Variants in VWA8 observed in about 807,000 individuals in gnomAD.
VWA8 encodes von Willebrand factor A domain-containing protein 8.
Under a neutral mutation model 241.5 loss-of-function variants are expected in VWA8, and 221 were observed. The ratio of observed to expected loss-of-function variants is 0.91; its 90% confidence interval spans 0.82 to 1.02. The LOEUF (loss-of-function observed/expected upper bound fraction) is 1.02. VWA8 is among the 50% of genes least tolerant of loss of function. VWA8 has a pLI of 0.00. For missense variants in VWA8, 2,322 were observed against 2,328.7 expected, an observed-to-expected ratio of 1.00 and a Z score of 0.06; for synonymous variants, 852 against 827.1, an observed-to-expected ratio of 1.03 and a Z score of -0.52.
intron 20 of VWA8, among the ~76,000 whole-genome samples, chr13:41,769,642 T>A (rs1277252175): frequency 1.3e-5 from 2 of 152,202 alleles, no homozygotes; most frequent in Non-Finnish European, 2.9e-5. Flanking sequence ...GGAATTCGTG[T>A]GCTATGATGC....
At chr13:41,599,704 T>C (rs1265170656) in intron 40 of VWA8, among the ~76,000 whole-genome samples, 1 of 152,172 alleles carries the variant, frequency 6.6e-6, no homozygotes, top group Non-Finnish European at 1.5e-5. Flanking sequence ...GAATTGAAAC[T>C]GCGGACAGTC....
intron 14 of VWA8, among the ~76,000 whole-genome samples, chr13:41,826,502 T>C (rs1344040274): frequency 6.6e-6 from 1 of 152,146 alleles, no homozygotes; most frequent in Non-Finnish European, 1.5e-5. Context: ...TCTAAGATGA[T>C]GTAGGAGCTA....
chr13:41,682,744 T>G (rs7332302), intron 35 of VWA8, among the ~76,000 whole-genome samples: 5,099 of 151,980 alleles, frequency 0.034, 152 homozygotes, highest in East Asian at 0.098. Flanking sequence ...AGACCTTGTC[T>G]CAAAACAAAC....
chr13:41,782,220 C>A (rs7323193), intron 19 of VWA8, among the ~76,000 whole-genome samples: 35,282 of 152,142 alleles, frequency 0.23, 4,810 homozygotes, highest in Non-Finnish European at 0.3. Context: ...ATGTCACAAA[C>A]ACCATGGCAA....
At chr13:41,766,290 G>A (rs1364314147) in intron 20 of VWA8, among the ~76,000 whole-genome samples, 9 of 151,962 alleles carry the variant, frequency 5.9e-5, no homozygotes, top group Non-Finnish European at 1.2e-4. Context: ...AATACAGAAC[G>A]TACAAAACTC....
intron 39 of VWA8, among the ~76,000 whole-genome samples, chr13:41,607,982 C>A (rs1369919617): frequency 2.0e-5 from 3 of 152,056 alleles, no homozygotes; most frequent in Non-Finnish European, 4.4e-5. Flanking sequence ...CGCACACACA[C>A]ATGCAATGTT....
intron 41 of VWA8, among the ~76,000 whole-genome samples, chr13:41,588,697 G>C (rs951090712): frequency 1.3e-5 from 2 of 150,654 alleles, no homozygotes; most frequent in African/African-American, 4.9e-5. Context: ...CTAAAGCCTG[G>C]GCAACAAGCA....
At chr13:41,728,785 C>T (rs951106832) in intron 23 of VWA8, among the ~76,000 whole-genome samples, 1 of 151,972 alleles carries the variant, frequency 6.6e-6, no homozygotes, top group Non-Finnish European at 1.5e-5. Flanking sequence ...TGGTGATGCA[C>T]TTGTACCTTT....
intron 4 of VWA8, among the ~76,000 whole-genome samples, chr13:41,899,226 T>C (rs1216566923): frequency 6.6e-6 from 1 of 152,226 alleles, no homozygotes; most frequent in Non-Finnish European, 1.5e-5. Flanking sequence ...CCAACCTTTT[T>C]TCTGATTAAT....
intron 41 of VWA8, 26 bp from the exon 42 acceptor site, chr13:41,587,696 C>T (rs1474050372): frequency 3.1e-6 from 5 of 1,610,400 alleles, no homozygotes; most frequent in African/African-American, 1.3e-5. Flanking sequence ...ACAGAAAAGC[C>T]GTTTGTGAAC....
chr13:41,612,767 G>A (rs2044598128), intron 38 of VWA8, among the ~76,000 whole-genome samples: 1 of 152,122 alleles, frequency 6.6e-6, no homozygotes, highest in Non-Finnish European at 1.5e-5. Flanking sequence ...ATAATACACT[G>A]CTATTGTAGA....
chr13:41,912,260 T>A, intron 2 of VWA8, 92 bp from the exon 3 acceptor site: 1 of 771,478 alleles, frequency 1.3e-6, no homozygotes, highest in East Asian at 3.6e-5. Flanking sequence ...TATATATATA[T>A]AACGTATATA....
intron 42 of VWA8, among the ~76,000 whole-genome samples, chr13:41,579,175 A>G (rs1395080414): frequency 2.6e-5 from 4 of 152,242 alleles, no homozygotes; most frequent in African/African-American, 9.6e-5. Flanking sequence ...GTAAGTAGGT[A>G]CGAGACAATC....
At chr13:41,575,637 CTT>C in intron 43 of VWA8, 101 bp downstream of exon 43, 1 of 784,730 alleles carries the variant, frequency 1.3e-6, no homozygotes, top group Non-Finnish European at 2.0e-6. Flanking sequence ...GTGAAACAGT[CTT>C]TTTCTTTCCT....
intron 26 of VWA8, among the ~76,000 whole-genome samples, chr13:41,707,756 T>C (rs2045291439): frequency 6.6e-6 from 1 of 152,188 alleles, no homozygotes; most frequent in Admixed American, 6.5e-5. Flanking sequence ...ATTTTCATGC[T>C]TCCAGGAGGC....
intron 26 of VWA8, among the ~76,000 whole-genome samples, chr13:41,711,697 A>G (rs1593712880): frequency 6.6e-6 from 1 of 151,902 alleles, no homozygotes; most frequent in African/African-American, 2.4e-5. Flanking sequence ...ACACGGTGAA[A>G]CCCCGTCTCT....
In VWA8 at chr13:41,590,658, CCGA is replaced by C. The variant is rs770626044; in HGVS notation, c.5091_5093del (p.Arg1698del). 3.7e-6 allele frequency: 6 copies of C among 1,613,990 alleles called. No homozygotes were observed. The highest frequency in any genetic ancestry group is 4.2e-6 in the Non-Finnish European group (5 of 1,179,942). On this transcript the variant is annotated inframe_deletion, in exon 41 of 45. Coordinates refer to ENST00000379310, the MANE Select transcript of VWA8 (RefSeq NM_015058.2). Reference sequence around the variant, plus strand: ...GACTTACTTGTGGCTCCAGCTCACCCCGACGTTTGTAGATGGCTTTTTCTCCAG... The same window carrying C: ...GACTTACTTGTGGCTCCAGCTCACCCCGTTTGTAGATGGCTTTTTCTCCAG...
intron 2 of VWA8, among the ~76,000 whole-genome samples, chr13:41,932,065 A>G (rs1308638184): frequency 2.6e-5 from 4 of 152,130 alleles, no homozygotes; most frequent in African/African-American, 9.7e-5. Context: ...CTCTGGTCAG[A>G]CTATTAAGAG....
chr13:41,920,125 C>T (rs1593869931), intron 2 of VWA8, among the ~76,000 whole-genome samples: 2 of 152,166 alleles, frequency 1.3e-5, no homozygotes, highest in Admixed American at 6.5e-5. Context: ...TGCACAGAAC[C>T]TGGGCTATTG....
Sources: allele counts gnomAD v4.1 joint callset (sites outside exome capture counted in the v4.1 genomes callset), GRCh38; gene constraint gnomAD v4.1.1; transcripts MANE v1.5; gene names NCBI Gene and HGNC (gene_info 2026-07-23, HGNC 2026-07-21).